The following ACE variants were observed in gnomAD, a reference collection of about 807,000 sequenced individuals.
The protein encoded by ACE is angiotensin-converting enzyme.
Under a neutral mutation model 162.3 loss-of-function variants are expected in ACE, and 122 were observed. The observed-to-expected ratio is 0.75, with a 90% confidence interval of 0.65 to 0.87. The LOEUF (loss-of-function observed/expected upper bound fraction) is 0.87. Among genes scored for constraint, ACE ranks in the 40% least tolerant of loss-of-function variants. ACE has a pLI of 0.00. For synonymous variants in ACE, 796 were observed against 720.6 expected, an observed-to-expected ratio of 1.10 and a Z score of -1.68; for missense variants, 1,799 against 1,735.1, an observed-to-expected ratio of 1.04 and a Z score of -0.65.
Position 63,479,065 on chromosome 17 carries a change from C to A in ACE, c.476C>A (p.Pro159His), listed in dbSNP as rs2049665165. 1.2e-6 allele frequency: 2 copies of A among 1,613,698 alleles called. No homozygotes were observed. The highest frequency in any genetic ancestry group is 4.5e-5 in the East Asian group (2 of 44,822). Residue 159 changes from proline to histidine, a missense_variant, in exon 3 of 25, where the codon CCC (proline) becomes CAC (histidine). Physicochemically the swap from Pro to His is moderately conservative, Grantham distance 77 (BLOSUM62 -2). Coordinates refer to ENST00000290866, the MANE Select transcript of ACE (RefSeq NM_000789.4). ...RIYSTAKVCL[P>H]NKTATCWSLD... ...TACTCCACCGCCAAGGTCTGCCTCCCCAACAAGACTGCCACCTGCTGGTCC... is the reference window on the plus strand; with the variant it reads ...TACTCCACCGCCAAGGTCTGCCTCCACAACAAGACTGCCACCTGCTGGTCC...
At chr17:63,492,178 C>T (rs546028362) in intron 19 of ACE, among the ~76,000 whole-genome samples, 62 of 152,316 alleles carry the variant, frequency 4.1e-4, no homozygotes, top group Middle Eastern at 3.4e-3. Flanking sequence ...GCCCTCCCAG[C>T]GTGGAATCTG....
At chr17:63,487,424 C>T (rs1286593651) in intron 15 of ACE, among the ~76,000 whole-genome samples, 1 of 152,054 alleles carries the variant, frequency 6.6e-6, no homozygotes, top group Non-Finnish European at 1.5e-5. Flanking sequence ...ACTAGCTCCC[C>T]CCGGCCTCCT....
At position 63,477,134 on chromosome 17, in the gene ACE, C is replaced by T; in HGVS notation, c.40C>T (p.Leu14=). 4 of 1,422,978 alleles carry T rather than the reference C, an allele frequency of 2.8e-6. No homozygotes were observed. The highest frequency in any genetic ancestry group is 2.8e-6 in the Non-Finnish European group (3 of 1,087,730). 88.1% of individuals were successfully genotyped at this position (1,422,978 alleles called of 1,614,324 possible). A position where few individuals can be genotyped will look rare whatever the true frequency, so the allele number is the denominator to read the frequency against. ...ASGRRGPGLL[L]PLPLLLLLPP... is the part of the protein sequence containing the mutation. ...GGGCCGCCGGGGGCCGGGGCTGCTGCTGCCGCTGCCGCTGCTGTTGCTGCT... is the reference window on the plus strand; with the variant it reads ...GGGCCGCCGGGGGCCGGGGCTGCTGTTGCCGCTGCCGCTGCTGTTGCTGCT... The change falls in exon 1 of 25, where the codon CTG becomes TTG. Residue 14 remains leucine (L), a synonymous_variant. Transcript: ENST00000290866.
Position 63,477,131 on chromosome 17 carries a change from C to T in ACE, c.37C>T (p.Leu13=). The T allele has an allele frequency of 7.0e-7, 1 of 1,420,498 alleles. No homozygotes were observed. Among genetic ancestry groups the T allele is most frequent in the South Asian group, 1.4e-5 (1 of 70,756 alleles). 88.0% of individuals were successfully genotyped at this position (1,420,498 alleles called of 1,614,324 possible). The part of the protein sequence containing the change: ...AASGRRGPGL[L]LPLPLLLLLP... ...CTCGGGCCGCCGGGGGCCGGGGCTG[C>T]TGCTGCCGCTGCCGCTGCTGTTGCT... is the stretch of plus-strand genomic sequence containing the variant. Residue 13 remains leucine (L), a synonymous_variant, in exon 1 of 25, where the codon CTG becomes TTG. Transcript: ENST00000290866.
In ACE at chr17:63,483,876, C is replaced by T; in HGVS notation, c.1614C>T (p.Phe538=). Residue 538 remains phenylalanine, a synonymous_variant, in exon 11 of 25, where the codon TTC becomes TTT. Coordinates refer to ENST00000290866, the MANE Select transcript of ACE (RefSeq NM_000789.4). ...IRYFVSFVLQ[F]QFHEALCKEA... ...ACTTTGTGAGTTTTGTCCTGCAGTT[C>T]CAGTTCCATGAAGCCCTGTGCAAGG... 6.2e-7 allele frequency: 1 copy of T among 1,614,148 alleles called. No homozygotes were observed. Among genetic ancestry groups the T allele is most frequent in the Non-Finnish European group, 8.5e-7 (1 of 1,180,032 alleles).
rs2049728798 is a variant in ACE at position 63,482,592 on chromosome 17, C to G, written c.1245C>G (p.Gly415=). 2 of 1,614,048 alleles carry G rather than the reference C, an allele frequency of 1.2e-6. No homozygotes were observed. The highest frequency in any genetic ancestry group is 8.5e-7 in the Non-Finnish European group (1 of 1,180,040). ...PVSLRRGANP[G]FHEAIGDVLA... ...CCCTGCGTCGGGGGGCCAACCCCGG[C>G]TTCCATGAGGCCATTGGGGACGTGC... is the stretch of plus-strand genomic sequence containing the variant. The change falls in exon 8 of 25, where the codon GGC becomes GGG. Residue 415 remains glycine, a synonymous_variant. Transcript: ENST00000290866.
At chr17:63,493,391 C>T in intron 19 of ACE, 45 bp from the exon 20 acceptor site, 1 of 1,588,286 alleles carries the variant, frequency 6.3e-7, no homozygotes, top group Middle Eastern at 1.9e-4. Flanking sequence ...CAGGGCTTCT[C>T]ACTGTCCTCT....
In ACE at chr17:63,493,549, G is replaced by T. The variant is rs769272334; in HGVS notation, c.3026G>T (p.Gly1009Val). Reference sequence around the variant, plus strand: ...GACTTACCTGTGGCCTTGAGGGAGGGTGCCAACCCCGGCTTCCATGAGGCC... The same window carrying T: ...GACTTACCTGTGGCCTTGAGGGAGGTTGCCAACCCCGGCTTCCATGAGGCC... ...YKDLPVALRE[G>V]ANPGFHEAIG... The change falls in exon 20 of 25, where the codon GGT becomes GTT. Residue 1009 changes from glycine (G) to valine (V), a missense_variant. Coordinates refer to ENST00000290866, the MANE Select transcript of ACE (RefSeq NM_000789.4). 4 of 1,614,034 alleles carry T rather than the reference G, an allele frequency of 2.5e-6. No homozygotes were observed. In the African/African-American group the frequency reaches 5.3e-5, roughly 22 times the overall value.
At chr17:63,494,348 C>A (rs1211320318) in intron 21 of ACE, 24 bp from the exon 22 acceptor site, 4 of 1,608,796 alleles carry the variant, frequency 2.5e-6, no homozygotes, top group South Asian at 1.1e-5. Flanking sequence ...AACTCATCTT[C>A]CAACATATAT....
intron 15 of ACE, among the ~76,000 whole-genome samples, chr17:63,488,003 G>A (rs1050201143): frequency 6.6e-5 from 10 of 152,198 alleles, no homozygotes; most frequent in African/African-American, 2.4e-4. Context: ...GGGAGGCCAA[G>A]GTGAGTAGAT....
intron 14 of ACE, 85 bp downstream of exon 14, chr17:63,486,800 C>T (rs1192669310): frequency 1.9e-6 from 3 of 1,568,170 alleles, no homozygotes; most frequent in African/African-American, 2.7e-5. Context: ...CACGCTGCTT[C>T]CTCTTCCTCG....
rs1599144945 is a variant in ACE at position 63,485,535 on chromosome 17, C to T, written c.2058+163C>T. On this transcript the variant is annotated intron_variant, in intron 13 of 24. Coordinates refer to ENST00000290866, the MANE Select transcript of ACE (RefSeq NM_000789.4). ...GTGGCTCACGCCTGTAATCCCAGCA[C>T]TTTGGGAGGGGGAGGCGGGCGGATC... 2.0e-5 allele frequency: 19 copies of T among 970,386 alleles called. No homozygotes were observed. The East Asian group carries it at 5.2e-4, about 27-fold the overall frequency. 60.1% of individuals were successfully genotyped at this position (970,386 alleles called of 1,614,324 possible).
intron 4 of ACE, 61 bp from the exon 5 acceptor site, chr17:63,480,276 G>A: frequency 6.3e-7 from 1 of 1,580,250 alleles, no homozygotes; most frequent in Non-Finnish European, 8.7e-7. Flanking sequence ...CCGACTTACA[G>A]CTGAGAGGCT....
At chr17:63,478,420 C>T in intron 2 of ACE, 1 of 377,938 alleles carries the variant, frequency 2.6e-6, no homozygotes, top group Non-Finnish European at 5.0e-6. Flanking sequence ...AATCCCAGCA[C>T]TTTGGGAGGC....
In ACE at chr17:63,491,233, A is replaced by G. The variant is rs551723440; in HGVS notation, c.2764A>G (p.Lys922Glu). 12 of 1,614,104 alleles carry G rather than the reference A, an allele frequency of 7.4e-6. No homozygotes were observed. The African/African-American group carries it at 9.3e-5, about 13-fold the overall frequency. Residue 922 changes from lysine (K) to glutamate (E), a missense_variant, in exon 19 of 25, where the codon AAG becomes GAG. Lys to Glu is a moderately conservative substitution (Grantham distance 56). Transcript: ENST00000290866. This position sits in a 1 kb window ranked among gnomAD's most constrained non-coding sequence, Gnocchi z 4.4. ...GGGCTGGACGCCCAGGAGGATGTTTAAGGAGGCTGATGATTTCTTCACCTC... is the reference window on the plus strand; with the variant it reads ...GGGCTGGACGCCCAGGAGGATGTTTGAGGAGGCTGATGATTTCTTCACCTC... ...KQGWTPRRMF[K>E]EADDFFTSLG...
chr17:63,477,382 C>T (rs1238871494), intron 1 of ACE, 39 bp downstream of exon 1: 3 of 1,207,526 alleles, frequency 2.5e-6, no homozygotes, highest in Non-Finnish European at 1.0e-6. Flanking sequence ...GGCGGGGCCG[C>T]GGCGGCCAAT....
rs1329505380 is a variant in ACE, at chr17:63,484,099, C to G, written c.1709+128C>G. On this transcript the variant is annotated intron_variant, in intron 11 of 24. Transcript: ENST00000290866. This position sits in a 1 kb window ranked among gnomAD's most constrained non-coding sequence, Gnocchi z 4.0. ...CCACAGAGCTGGACTGATGTGGATG[C>G]CTGTCTCCTCGCTATGTCATCAAAT... 1.4e-5 allele frequency: 20 copies of G among 1,432,670 alleles called. No individual in the cohort carries two copies. Among genetic ancestry groups the G allele is most frequent in the Non-Finnish European group, 1.6e-5 (17 of 1,064,688 alleles). The allele number at this position is 1,432,670 out of a possible 1,614,324, so 88.7% of individuals were successfully genotyped here.
chr17:63,481,065 A>G (rs1449069833), intron 5 of ACE, 26 bp from the exon 6 acceptor site: 1 of 1,601,916 alleles, frequency 6.2e-7, no homozygotes, highest in African/African-American at 1.3e-5. Flanking sequence ...CAGGGAGCCA[A>G]GCTGTCCCCT....
rs2049654127 is a variant in ACE, at chr17:63,478,426, G to A, written c.417+328G>A. The A allele has an allele frequency of 1.1e-5, 4 of 372,654 alleles. No homozygotes were observed. The East Asian group carries it at 2.5e-4, about 23-fold the overall frequency. 23.1% of individuals were successfully genotyped at this position (372,654 alleles called of 1,614,324 possible). A position where few individuals can be genotyped will look rare whatever the true frequency, so the allele number is the denominator to read the frequency against. ...CAAGCCTGTAATCCCAGCACTTTGG[G>A]AGGCTGAGGTGGGCGCATCGCTTGA... On this transcript the variant is annotated intron_variant, in intron 2 of 24. Coordinates refer to ENST00000290866, the MANE Select transcript of ACE (RefSeq NM_000789.4).
Sources: allele counts gnomAD v4.1 joint callset (sites outside exome capture counted in the v4.1 genomes callset), GRCh38; gene constraint gnomAD v4.1.1; non-coding constraint Gnocchi (gnomAD v3.1); transcripts MANE v1.5; gene names NCBI Gene and HGNC (gene_info 2026-07-23, HGNC 2026-07-21).